Variants in FAM227B observed in about 807,000 individuals in gnomAD.
FAM227B encodes the protein protein FAM227B.
Under a neutral mutation model 73.8 loss-of-function variants are expected in FAM227B, and 88 were observed. The observed-to-expected ratio is 1.19, with a 90% CI of 1.00 to 1.42. The LOEUF (loss-of-function observed/expected upper bound fraction) is 1.42. Ranked by LOEUF, FAM227B falls within the 40% of genes most tolerant of loss-of-function variation. The probability of loss-of-function intolerance (pLI) is 0.00; values close to 1 mark genes in which losing one functional copy is unlikely to be tolerated. For missense variants in FAM227B, 632 were observed against 590.9 expected (o/e 1.07, Z -0.72); for synonymous variants, 210 against 190.5 (o/e 1.10, Z -0.84).
chr15:49,353,517 A>C (rs1022024740), intron 13 of FAM227B: 1 of 152,166 alleles, frequency 6.6e-6, no homozygotes, highest in Non-Finnish European at 1.5e-5. Context: ...CTCACATTTC[A>C]TCAAGTTAAC....
At chr15:49,620,035 C>G (rs1033558305) in intron 1 of FAM227B, 3 of 152,036 alleles carry the variant, frequency 2.0e-5, no homozygotes, top group Non-Finnish European at 4.4e-5. Context: ...GATTTCCTTG[C>G]TTACAAATGG....
chr15:49,490,520 C>T (rs1213046145), intron 11 of FAM227B, among the ~76,000 whole-genome samples: 2 of 151,838 alleles, frequency 1.3e-5, no homozygotes. Flanking sequence ...GTGGGCAAAA[C>T]AACAAGAAAA....
At chr15:49,440,923 A>C (rs1457230911) in intron 11 of FAM227B, among the ~76,000 whole-genome samples, 1 of 151,794 alleles carries the variant, frequency 6.6e-6, no homozygotes, top group Non-Finnish European at 1.5e-5. Context: ...ACTGGTTATA[A>C]GTTGGTTTAG....
Position 49,520,644 on chromosome 15 carries a change from T to A in FAM227B, c.875-12296A>T, listed in dbSNP as rs190891172. On this transcript the variant is annotated intron_variant, in intron 10 of 15. Coordinates refer to ENST00000299338, the MANE Select transcript of FAM227B (RefSeq NM_152647.3). ...ATGGTGGCTGGCAAGAGAGAGCATG[T>A]GCAGGCGGAGCTGCCCTTTATAAAA... Among the ~76,000 whole-genome samples, 435 of 152,310 alleles carry A rather than the reference T, an allele frequency of 2.9e-3. 6 individuals carry two copies. The highest frequency in any genetic ancestry group is 0.027 in the South Asian group (128 of 4,826).
chr15:49,351,031 C>G (rs2042168651), intron 13 of FAM227B, among the ~76,000 whole-genome samples: 2 of 152,210 alleles, frequency 1.3e-5, no homozygotes, highest in African/African-American at 4.8e-5. Context: ...CAGTGCATAA[C>G]CTACTCAACC....
intron 10 of FAM227B, among the ~76,000 whole-genome samples, chr15:49,537,472 T>C (rs988155813): frequency 6.6e-6 from 1 of 152,154 alleles, no homozygotes; most frequent in African/African-American, 2.4e-5. Flanking sequence ...GGTAAGAATG[T>C]AGACTGGTGC....
intron 11 of FAM227B, among the ~76,000 whole-genome samples, chr15:49,458,434 G>A (rs912350321): frequency 6.6e-6 from 1 of 151,922 alleles, no homozygotes; most frequent in African/African-American, 2.4e-5. Flanking sequence ...CTCATTTAAA[G>A]GTTTTGGTTT....
Position 49,533,082 on chromosome 15 carries a change from G to C in FAM227B, c.874+8598C>G, listed in dbSNP as rs556609760. Among the ~76,000 whole-genome samples, 3 of 151,884 alleles carry C rather than the reference G, an allele frequency of 2.0e-5. No individual in the cohort carries two copies. In the South Asian group the frequency reaches 6.2e-4, roughly 32 times the overall value. ...GCTTTTGTTGTATCCCATAAGTTTT[G>C]ATATGTTGCTTCCATTTTCATTTTT... On this transcript the variant is annotated intron_variant, in intron 10 of 15. Transcript: ENST00000299338.
At chr15:49,381,805 C>G (rs1161647489) in intron 11 of FAM227B, among the ~76,000 whole-genome samples, 5 of 152,076 alleles carry the variant, frequency 3.3e-5, no homozygotes, top group Non-Finnish European at 5.9e-5. Flanking sequence ...TTTTAATAAG[C>G]ATTGTTAAGT....
At chr15:49,473,365 T>A (rs1337860537) in intron 11 of FAM227B, among the ~76,000 whole-genome samples, 1 of 152,150 alleles carries the variant, frequency 6.6e-6, no homozygotes, top group Non-Finnish European at 1.5e-5. Flanking sequence ...GAACATTGAG[T>A]TAAATATAAG....
rs1212410687 is a variant in FAM227B, at chr15:49,516,316, A to C, written c.875-7968T>G. Reference sequence around the variant, plus strand: ...CAACTTCTCTTTTATCCGCACACTAACCTATGCTCAGCTTTTAGCAATTCA... The same window carrying C: ...CAACTTCTCTTTTATCCGCACACTACCCTATGCTCAGCTTTTAGCAATTCA... On this transcript the variant is annotated intron_variant, in intron 10 of 15. Transcript: ENST00000299338. Among the ~76,000 whole-genome samples, 6 of 151,996 alleles carry C rather than the reference A, an allele frequency of 3.9e-5. 1 individual carries two copies. The East Asian group carries it at 1.2e-3, about 29-fold the overall frequency.
At chr15:49,371,949 A>G (rs902186441) in intron 11 of FAM227B, among the ~76,000 whole-genome samples, 12 of 120,124 alleles carry the variant, frequency 1.0e-4, no homozygotes, top group African/African-American at 4.0e-4. Context: ...TAAATGAAAT[A>G]AAATTCACTT....
intron 9 of FAM227B, among the ~76,000 whole-genome samples, chr15:49,546,148 C>A (rs1302701635): frequency 6.6e-6 from 1 of 151,992 alleles, no homozygotes; most frequent in Non-Finnish European, 1.5e-5. Flanking sequence ...GTGATGGTCC[C>A]CTTCCTGTGT....
chr15:49,618,180 T>G (rs182622399), intron 1 of FAM227B, among the ~76,000 whole-genome samples: 39 of 152,322 alleles, frequency 2.6e-4, no homozygotes, highest in African/African-American at 9.4e-4. Context: ...GGGCCATTAT[T>G]CTATCTACTA....
intron 2 of FAM227B, among the ~76,000 whole-genome samples, chr15:49,611,797 C>T (rs2077939573): frequency 1.3e-5 from 2 of 152,164 alleles, no homozygotes; most frequent in Admixed American, 1.3e-4. Flanking sequence ...CAGACCACAA[C>T]TTTCTCCTTT....
At chr15:49,398,045 A>T (rs2047830444) in intron 11 of FAM227B, among the ~76,000 whole-genome samples, 1 of 152,334 alleles carries the variant, frequency 6.6e-6, no homozygotes, top group East Asian at 1.9e-4. Context: ...TAAAAGACAC[A>T]GACTGGCAAA....
intron 11 of FAM227B, among the ~76,000 whole-genome samples, chr15:49,402,419 G>A (rs914492832): frequency 6.6e-6 from 1 of 152,160 alleles, no homozygotes; most frequent in Non-Finnish European, 1.5e-5. Flanking sequence ...GAGCATGGAA[G>A]GTTTTTCCAT....
chr15:49,546,733 A>G (rs1258934972), intron 9 of FAM227B, among the ~76,000 whole-genome samples: 1 of 114,598 alleles, frequency 8.7e-6, no homozygotes, highest in Non-Finnish European at 1.9e-5. Context: ...AGAAGTTTAG[A>G]GGAAAAAGAA....
intron 7 of FAM227B, among the ~76,000 whole-genome samples, chr15:49,575,600 C>T (rs891434355): frequency 5.9e-5 from 9 of 151,750 alleles, no homozygotes; most frequent in African/African-American, 2.2e-4. Flanking sequence ...AAAAGAAATA[C>T]AATAAAAAAT....
Sources: allele counts gnomAD v4.1 joint callset (sites outside exome capture counted in the v4.1 genomes callset), GRCh38; gene constraint gnomAD v4.1.1; transcripts MANE v1.5; gene names NCBI Gene and HGNC (gene_info 2026-07-23, HGNC 2026-07-21).